PBRM1: variants seen among roughly 807,000 people sequenced by gnomAD.
PBRM1 encodes protein polybromo-1.
PBRM1 carries 27 observed loss-of-function variants against 194.5 expected under a neutral mutation model. The ratio of observed to expected loss-of-function variants is 0.14; its 90% CI spans 0.10 to 0.19. PBRM1 has a LOEUF of 0.19. PBRM1 is among the 10% of genes least tolerant of loss of function. The pLI is 1.00. For synonymous variants in PBRM1, 655 were observed against 693.2 expected (o/e 0.94, Z 0.87); for missense variants, 1,466 against 2,077.2 (o/e 0.71, Z 5.72).
chr3:52,558,451 C>T (rs1001469065), intron 25 of PBRM1, 38 bp from the exon 28 acceptor site: 1 of 1,486,072 alleles, frequency 6.7e-7, no homozygotes, highest in African/African-American at 1.4e-5. Context: ...CTGTTTTTAA[C>T]CCAGGAATTC....
chr3:52,656,881 C>A (rs989694864), intron 5 of PBRM1, among the ~76,000 whole-genome samples: 2 of 151,940 alleles, frequency 1.3e-5, no homozygotes, highest in Non-Finnish European at 2.9e-5. Context: ...CTAGGCAACA[C>A]AGCAAGACTC....
intron 3 of PBRM1, among the ~76,000 whole-genome samples, chr3:52,663,157 G>C (rs1440364862): frequency 6.6e-6 from 1 of 152,176 alleles, no homozygotes. Context: ...ATAAAAGTAG[G>C]AAACCAGATG....
At chr3:52,571,865 A>G (rs1450518283) in intron 22 of PBRM1, among the ~76,000 whole-genome samples, 1 of 129,364 alleles carries the variant, frequency 7.7e-6, no homozygotes, top group Non-Finnish European at 1.6e-5. Flanking sequence ...CCAAAAAAAA[A>G]AAAAAAAAAA....
At chr3:52,685,551 G>A (rs372070761) in intron 1 of PBRM1, 198 bp downstream of exon 1, 1 of 151,504 alleles carries the variant, frequency 6.6e-6, no homozygotes, top group Non-Finnish European at 1.5e-5. Flanking sequence ...TGTCCCTGCC[G>A]GCAGGTGCGA....
intron 15 of PBRM1, among the ~76,000 whole-genome samples, chr3:52,614,904 C>A (rs941207652): frequency 3.9e-5 from 6 of 152,004 alleles, no homozygotes; most frequent in African/African-American, 7.2e-5. Context: ...CAACCAACCA[C>A]AGACTACACT....
intron 29 of PBRM1, 35 bp downstream of exon 31, chr3:52,550,386 G>A (rs773441380): frequency 8.7e-7 from 1 of 1,146,458 alleles, no homozygotes; most frequent in Non-Finnish European, 1.2e-6. Context: ...GAGGAAGCAT[G>A]TATTTCACAA....
intron 18 of PBRM1, among the ~76,000 whole-genome samples, chr3:52,588,578 C>CCG (rs2092691991): frequency 7.8e-6 from 1 of 128,832 alleles, no homozygotes; most frequent in Non-Finnish European, 1.6e-5. Context: ...TTTTTTGAGA[C>CCG]AGTCTCACTC....
intron 15 of PBRM1, among the ~76,000 whole-genome samples, chr3:52,612,905 CAAA>C (rs576855027): frequency 3.2e-4 from 27 of 85,368 alleles, no homozygotes; most frequent in African/African-American, 7.6e-4. Flanking sequence ...GAATCCGTCT[CAAA>C]AAAAAAAAAA....
At chr3:52,598,570 C>CT (rs1473127886) in intron 17 of PBRM1, among the ~76,000 whole-genome samples, 1 of 152,172 alleles carries the variant, frequency 6.6e-6, no homozygotes, top group East Asian at 1.9e-4. Flanking sequence ...GAATATACCA[C>CT]TTTTTGGGCT....
chr3:52,679,510 T>C, intron 1 of PBRM1, 64 bp downstream of exon 2: 1 of 1,461,162 alleles, frequency 6.8e-7, no homozygotes, highest in Non-Finnish European at 9.4e-7. Context: ...AATTTTACCA[T>C]TAAAGGGAAG....
At position 52,634,733 on chromosome 3, in the gene PBRM1, A is replaced by G. The variant is rs925525260; in HGVS notation, c.1170T>C (p.Tyr390=). The G allele has an allele frequency of 1.9e-6, 3 of 1,613,830 alleles. No homozygotes were observed. In the African/African-American group the frequency reaches 4.0e-5, roughly 22 times the overall value. ...TATTCCGACAACTCCTAACTGTGTC[A>G]TAAAGCTGATAAAAAGGATTTGAAA... The change falls in exon 11 of 30, where the codon TAT becomes TAC. Residue 390 remains tyrosine (Y), a synonymous_variant. Coordinates refer to ENST00000296302, the Ensembl canonical transcript of PBRM1.
chr3:52,608,689 A>C (rs1470850986), intron 16 of PBRM1, among the ~76,000 whole-genome samples: 5 of 151,970 alleles, frequency 3.3e-5, no homozygotes, highest in African/African-American at 1.2e-4. Context: ...AATACACTGT[A>C]ATTGCTGAAT....
chr3:52,580,011 G>A (rs765956362), intron 20 of PBRM1, among the ~76,000 whole-genome samples: 2 of 152,180 alleles, frequency 1.3e-5, no homozygotes, highest in Non-Finnish European at 2.9e-5. Context: ...GGAGGACAAG[G>A]TGGGAGGACT....
chr3:52,621,318 C>T (rs1163384612), intron 13 of PBRM1, among the ~76,000 whole-genome samples: 2 of 152,102 alleles, frequency 1.3e-5, no homozygotes, highest in Admixed American at 6.5e-5. Context: ...TGCCACCACG[C>T]CTGGCTAATT....
chr3:52,591,972 G>A (rs1283152081), intron 17 of PBRM1, among the ~76,000 whole-genome samples: 3 of 148,664 alleles, frequency 2.0e-5, no homozygotes, highest in Non-Finnish European at 4.5e-5. Context: ...GATTACAGGT[G>A]CCCACGACCA....
At chr3:52,667,789 G>A (rs1303095381) in intron 3 of PBRM1, among the ~76,000 whole-genome samples, 2 of 150,900 alleles carry the variant, frequency 1.3e-5, no homozygotes, top group Admixed American at 1.3e-4. Context: ...GCCAGGAGTG[G>A]TGGCTCATGT....
chr3:52,579,254 A>G (rs1560028826), intron 20 of PBRM1, 55 bp from the exon 23 acceptor site: 2 of 1,516,926 alleles, frequency 1.3e-6, no homozygotes, highest in East Asian at 4.5e-5. Flanking sequence ...GGAATAGAGA[A>G]GGTAAGAAAC....
At chr3:52,578,278 G>A (rs899347412) in intron 21 of PBRM1, among the ~76,000 whole-genome samples, 1 of 152,126 alleles carries the variant, frequency 6.6e-6, no homozygotes, top group Non-Finnish European at 1.5e-5. Flanking sequence ...TATTCAAGAT[G>A]TTGTTTGTCT....
intron 27 of PBRM1, among the ~76,000 whole-genome samples, chr3:52,551,492 A>G (rs1357522479): frequency 6.6e-6 from 1 of 152,168 alleles, no homozygotes; most frequent in African/African-American, 2.4e-5. Context: ...TGGCCCTACT[A>G]GATTTGTACT....
Sources: gnomAD v4.1 joint callset for allele counts (sites outside exome capture counted in the v4.1 genomes callset) on GRCh38, gnomAD v4.1.1 for gene constraint, MANE v1.5 for transcripts, NCBI Gene and HGNC (gene_info 2026-07-23, HGNC 2026-07-21) for gene names.